The following DCUN1D4 variants were observed in gnomAD, a reference collection of about 807,000 sequenced individuals.
The protein encoded by DCUN1D4 is defective in cullin neddylation 1 domain containing 4.
A neutral mutation model predicts 47.9 loss-of-function variants in DCUN1D4; 22 were observed. The observed-to-expected ratio is 0.46, with a 90% CI of 0.33 to 0.66. The LOEUF (loss-of-function observed/expected upper bound fraction) is 0.66, where lower values mean the gene tolerates loss of function less well. DCUN1D4 is among the 30% of genes least tolerant of loss of function. The pLI is 0.02. For synonymous variants in DCUN1D4, 121 were observed against 112.2 expected, an observed-to-expected ratio of 1.08 and a Z score of -0.50; for missense variants, 301 against 340.8, an observed-to-expected ratio of 0.88 and a Z score of 0.92.
intron 1 of DCUN1D4, among the ~76,000 whole-genome samples, chr4:51,846,954 C>G (rs1722643418): frequency 6.6e-6 from 1 of 152,184 alleles, no homozygotes; most frequent in South Asian, 2.1e-4. Context: ...TTCCTTATAA[C>G]TCCCTGTTAA....
chr4:51,881,432 C>T (rs527771353), intron 5 of DCUN1D4, among the ~76,000 whole-genome samples: 117 of 152,162 alleles, frequency 7.7e-4, no homozygotes, highest in African/African-American at 2.5e-3. Context: ...TAAAAACTAC[C>T]TAAGAGACCA....
chr4:51,845,048 C>T lies in DCUN1D4; in HGVS notation c.25+1781C>T, dbSNP rs753580166. On this transcript the variant is annotated intron_variant, in intron 1 of 10. Coordinates refer to ENST00000334635, the MANE Select transcript of DCUN1D4 (RefSeq NM_001040402.3). ...AGGTTCTTGGTCCCCAAGTGAATTTCCCCCTGCATTTTGTGGCCTTACTTG... is the reference window on the plus strand; with the variant it reads ...AGGTTCTTGGTCCCCAAGTGAATTTTCCCCTGCATTTTGTGGCCTTACTTG... The T allele has an allele frequency of 1.5e-3, 1,443 of 985,460 alleles. 2 individuals carry two copies. The highest frequency in any genetic ancestry group is 1.7e-3 in the Non-Finnish European group (1,404 of 829,940). 61.0% of individuals were successfully genotyped at this position (985,460 alleles called of 1,614,324 possible).
At chr4:51,856,456 A>G (rs1724153659) in intron 1 of DCUN1D4, among the ~76,000 whole-genome samples, 1 of 152,184 alleles carries the variant, frequency 6.6e-6, no homozygotes, top group South Asian at 2.1e-4. Flanking sequence ...GCCAGTTTTA[A>G]AATTTTTTTC....
intron 1 of DCUN1D4, among the ~76,000 whole-genome samples, chr4:51,862,856 A>T (rs1383220264): frequency 6.6e-6 from 1 of 152,048 alleles, no homozygotes; most frequent in African/African-American, 2.4e-5. Context: ...AAGAAAAAAA[A>T]AAAGAAAAAT....
intron 4 of DCUN1D4, among the ~76,000 whole-genome samples, chr4:51,876,542 A>G (rs1199170584): frequency 6.6e-6 from 1 of 152,202 alleles, no homozygotes; most frequent in Admixed American, 6.5e-5. Flanking sequence ...CACGTTGTGC[A>G]CATGTACCCT....
chr4:51,843,767 CG>C, intron 1 of DCUN1D4: 3 of 919,970 alleles, frequency 3.3e-6, no homozygotes, highest in East Asian at 5.0e-5. Flanking sequence ...GGCGCGGGGG[CG>C]GGGACAATGG....
chr4:51,915,078 C>A lies in DCUN1D4; in HGVS notation c.*1494C>A, dbSNP rs960452592. 6.6e-6 allele frequency: 1 copy of A among 152,458 alleles called. No individual in the cohort carries two copies. The highest frequency in any genetic ancestry group is 2.4e-5 in the African/African-American group (1 of 41,416). The allele number at this position is 152,458 out of a possible 1,614,324, so 9.4% of individuals were successfully genotyped here. A position where few individuals can be genotyped will look rare whatever the true frequency, so the allele number is the denominator to read the frequency against. On this transcript the variant is annotated 3_prime_UTR_variant, in exon 11 of 11. Coordinates refer to ENST00000334635, the MANE Select transcript of DCUN1D4 (RefSeq NM_001040402.3). ...TTATTTGGAACTCTGGCTAAAACTT[C>A]TTTCGGGTGACATGTGATCGTTTAA...
At chr4:51,859,579 C>T (rs1724694843) in intron 1 of DCUN1D4, among the ~76,000 whole-genome samples, 1 of 124,642 alleles carries the variant, frequency 8.0e-6, no homozygotes, top group Non-Finnish European at 1.6e-5. Flanking sequence ...TTGACCCCCT[C>T]AATGGCATTC....
At chr4:51,861,911 C>G (rs1005218781) in intron 1 of DCUN1D4, among the ~76,000 whole-genome samples, 2 of 147,220 alleles carry the variant, frequency 1.4e-5, no homozygotes, top group Non-Finnish European at 3.0e-5. Context: ...CTTCTAGCTT[C>G]TACCCCTGTT....
At chr4:51,839,889 A>G (rs1721589264), upstream of DCUN1D4, among the ~76,000 whole-genome samples, 1 of 152,218 alleles carries the variant, frequency 6.6e-6, no homozygotes, top group African/African-American at 2.4e-5. Flanking sequence ...GTAACATTTG[A>G]TTGAAGAGCT....
At chr4:51,852,304 A>T (rs1011382772) in intron 1 of DCUN1D4, among the ~76,000 whole-genome samples, 1 of 152,230 alleles carries the variant, frequency 6.6e-6, no homozygotes, top group South Asian at 2.1e-4. Context: ...CTTAGATTTT[A>T]TTTAAATAGA....
intron 8 of DCUN1D4, among the ~76,000 whole-genome samples, chr4:51,900,990 T>A (rs887881535): frequency 6.6e-6 from 1 of 152,172 alleles, no homozygotes; most frequent in South Asian, 2.1e-4. Context: ...GCACATCTCA[T>A]GAGTGCTCTT....
intron 1 of DCUN1D4, among the ~76,000 whole-genome samples, chr4:51,846,797 T>C (rs1273424981): frequency 6.6e-6 from 1 of 152,206 alleles, no homozygotes; most frequent in African/African-American, 2.4e-5. Context: ...AATGATGTCA[T>C]TAAGGATCTA....
At chr4:51,842,509 C>T (rs1371204628), upstream of DCUN1D4, among the ~76,000 whole-genome samples, 8 of 152,250 alleles carry the variant, frequency 5.3e-5, no homozygotes, top group Non-Finnish European at 1.0e-4. Context: ...TGGAAATTTG[C>T]TCCCCACCAG....
At chr4:51,834,067 TCTCTCTCTCTCTCTCTC>T in the DCUN1D4 span, among the ~76,000 whole-genome samples, 2 of 141,740 alleles carry the variant, frequency 1.4e-5, no homozygotes, top group African/African-American at 2.8e-5. Flanking sequence ...TCTCTCTCTC[TCTCTCTCTCTCTCTCTC>T]TCTTTTCTTT....
At chr4:51,899,420 C>A in intron 8 of DCUN1D4, 42 bp downstream of exon 8, 1 of 1,550,420 alleles carries the variant, frequency 6.4e-7, no homozygotes, top group East Asian at 2.4e-5. Flanking sequence ...CCTCTCTTCC[C>A]TCCCCTTTTT....
At chr4:51,896,242 A>T (rs925387012) in intron 7 of DCUN1D4, among the ~76,000 whole-genome samples, 2 of 152,244 alleles carry the variant, frequency 1.3e-5, no homozygotes, top group Non-Finnish European at 2.9e-5. Context: ...TCTTTCAAAC[A>T]TAGGGACATC....
intron 3 of DCUN1D4, among the ~76,000 whole-genome samples, chr4:51,872,323 A>G (rs546909667): frequency 6.6e-6 from 1 of 152,304 alleles, no homozygotes; most frequent in Admixed American, 6.5e-5. Flanking sequence ...AATGTTGGCT[A>G]TTGACAGCTC....
chr4:51,865,838 A>T (rs1235946992), intron 3 of DCUN1D4, among the ~76,000 whole-genome samples: 1 of 152,194 alleles, frequency 6.6e-6, no homozygotes, highest in African/African-American at 2.4e-5. Flanking sequence ...AAGAATGCAC[A>T]GGACTTTCAG....
Sources: gnomAD v4.1 joint callset for allele counts (sites outside exome capture counted in the v4.1 genomes callset) on GRCh38, gnomAD v4.1.1 for gene constraint, MANE v1.5 for transcripts, NCBI Gene and HGNC (gene_info 2026-07-23, HGNC 2026-07-21) for gene names.